Variants in LRBA observed in about 807,000 individuals in gnomAD.
LRBA encodes LPS responsive beige-like anchor protein.
Under a neutral mutation model 330.0 loss-of-function variants are expected in LRBA, and 176 were observed. That is an observed-to-expected ratio of 0.53 (90% CI 0.47 to 0.60). LRBA has a LOEUF of 0.60. Among genes scored for constraint, LRBA ranks in the 20% least tolerant of loss-of-function variants. The pLI, the probability that LRBA is intolerant of heterozygous loss-of-function variation, is 0.00. For synonymous variants in LRBA, 1,230 were observed against 1,193.0 expected (o/e 1.03, Z -0.64); for missense variants, 3,259 against 3,444.8 (o/e 0.95, Z 1.35).
chr4:150,838,360 C>T (rs546353756), intron 28 of LRBA, among the ~76,000 whole-genome samples: 23 of 152,296 alleles, frequency 1.5e-4, no homozygotes, highest in Admixed American at 3.3e-4. Context: ...TGGGCAAGTC[C>T]TCCTGGATAA....
intron 28 of LRBA, among the ~76,000 whole-genome samples, chr4:150,832,955 T>C (rs1747419536): frequency 6.6e-6 from 1 of 152,048 alleles, no homozygotes; most frequent in Non-Finnish European, 1.5e-5. Flanking sequence ...TTTTAATTTC[T>C]TGAAGAGACA....
At chr4:150,443,685 C>G (rs555066970) in intron 44 of LRBA, among the ~76,000 whole-genome samples, 1 of 151,514 alleles carries the variant, frequency 6.6e-6, no homozygotes, top group Non-Finnish European at 1.5e-5. Flanking sequence ...CATCACACAC[C>G]GGCACCTGTT....
chr4:150,491,789 G>A (rs1177958323), intron 40 of LRBA, among the ~76,000 whole-genome samples: 1 of 152,048 alleles, frequency 6.6e-6, no homozygotes, highest in African/African-American at 2.4e-5. Flanking sequence ...TTTGATTCAA[G>A]TTTTGTTTTT....
chr4:150,592,294 CAT>C (rs1010844937), intron 38 of LRBA, among the ~76,000 whole-genome samples: 3 of 151,572 alleles, frequency 2.0e-5, no homozygotes, highest in Admixed American at 6.6e-5. Context: ...TTAACCTGCA[CAT>C]GTGTTACCTG....
chr4:150,741,944 T>C (rs1732038394), intron 35 of LRBA, among the ~76,000 whole-genome samples: 1 of 151,980 alleles, frequency 6.6e-6, no homozygotes, highest in Non-Finnish European at 1.5e-5. Flanking sequence ...TAAAATGTCT[T>C]AGATGTATAA....
chr4:150,674,313 C>T (rs1297598396), intron 37 of LRBA, among the ~76,000 whole-genome samples: 1 of 150,966 alleles, frequency 6.6e-6, no homozygotes, highest in Non-Finnish European at 1.5e-5. Context: ...ATGATCCTGA[C>T]CCAAGTATTT....
At chr4:150,603,607 C>A (rs753036445) in intron 37 of LRBA, among the ~76,000 whole-genome samples, 1 of 152,106 alleles carries the variant, frequency 6.6e-6, no homozygotes, top group Non-Finnish European at 1.5e-5. Flanking sequence ...GATTCTCCTG[C>A]CTCATCCTCC....
At chr4:150,381,991 G>A (rs1742337299) in intron 47 of LRBA, among the ~76,000 whole-genome samples, 1 of 152,142 alleles carries the variant, frequency 6.6e-6, no homozygotes, top group Non-Finnish European at 1.5e-5. Context: ...CCTTTGCCCA[G>A]TTTTTCATTA....
chr4:150,927,536 C>T (rs962854260), intron 4 of LRBA, among the ~76,000 whole-genome samples: 1 of 151,886 alleles, frequency 6.6e-6, no homozygotes, highest in Non-Finnish European at 1.5e-5. Context: ...GTTAACAGAT[C>T]CCAGTAACCT....
chr4:150,923,543 CATATAA>C (rs1261668140), intron 4 of LRBA, among the ~76,000 whole-genome samples: 2 of 152,118 alleles, frequency 1.3e-5, no homozygotes, highest in African/African-American at 2.4e-5. Flanking sequence ...TACCGCATAG[CATATAA>C]ATATATGTAT....
intron 40 of LRBA, among the ~76,000 whole-genome samples, chr4:150,551,958 G>A (rs867607852): frequency 6.6e-6 from 1 of 152,014 alleles, no homozygotes; most frequent in Non-Finnish European, 1.5e-5. Context: ...AAAGTGGGGT[G>A]GGGGGTAGGA....
intron 46 of LRBA, among the ~76,000 whole-genome samples, chr4:150,418,511 C>T (rs1028910706): frequency 1.3e-5 from 2 of 152,022 alleles, no homozygotes; most frequent in African/African-American, 4.8e-5. Flanking sequence ...AGGTAATAAC[C>T]ATCAGTTTCC....
chr4:150,473,827 A>G (rs540116423), intron 42 of LRBA, among the ~76,000 whole-genome samples: 2 of 152,280 alleles, frequency 1.3e-5, no homozygotes, highest in Admixed American at 1.3e-4. Context: ...TTACATATCT[A>G]TACATATCCT....
intron 8 of LRBA, among the ~76,000 whole-genome samples, chr4:150,915,319 A>G (rs544779741): frequency 6.6e-6 from 1 of 152,228 alleles, no homozygotes; most frequent in Non-Finnish European, 1.5e-5. Context: ...TCAGAACCCT[A>G]TAGTGGAGCT....
At chr4:150,853,914 G>C (rs1750923100) in intron 22 of LRBA, among the ~76,000 whole-genome samples, 1 of 152,038 alleles carries the variant, frequency 6.6e-6, no homozygotes. Context: ...TTATTATATA[G>C]AGTAAACTGA....
At chr4:150,616,462 A>G (rs1041267361) in intron 37 of LRBA, among the ~76,000 whole-genome samples, 1 of 152,186 alleles carries the variant, frequency 6.6e-6, no homozygotes, top group East Asian at 1.9e-4. Flanking sequence ...CAGAAACCAA[A>G]TGAAAAAAAT....
chr4:150,302,708 T>A lies in LRBA; in HGVS notation c.7934A>T (p.Tyr2645Phe), dbSNP rs775871299. The change falls in exon 53 of 57, where the codon TAC (tyrosine) becomes TTC (phenylalanine). Residue 2645 changes from tyrosine to phenylalanine, a missense_variant. Transcript: ENST00000651943. Reference sequence around the variant, plus strand: ...TGCATCACGTGACCCTGAGAGAATGTAGCAATTTCCCCCAATATATGACTC... The same window carrying A: ...TGCATCACGTGACCCTGAGAGAATGAAGCAATTTCCCCCAATATATGACTC... ...RSESYIGGNC[Y>F]ILSGSRDATL... is the part of the protein sequence containing the mutation. 139 of 1,613,070 alleles carry A rather than the reference T, an allele frequency of 8.6e-5. No homozygotes were observed. The highest frequency in any genetic ancestry group is 1.1e-4 in the Non-Finnish European group (133 of 1,179,412).
chr4:150,759,930 A>G (rs551757812), intron 35 of LRBA, among the ~76,000 whole-genome samples: 1 of 152,314 alleles, frequency 6.6e-6, no homozygotes, highest in Admixed American at 6.5e-5. Context: ...CTCATCTATT[A>G]AATGTAACAA....
chr4:150,867,984 G>T, intron 21 of LRBA, 121 bp from the exon 22 acceptor site: 1 of 937,478 alleles, frequency 1.1e-6, no homozygotes, highest in Non-Finnish European at 1.6e-6. Context: ...AACACATTTA[G>T]TTATACATTA....
Sources: allele counts gnomAD v4.1 joint callset (sites outside exome capture counted in the v4.1 genomes callset), GRCh38; gene constraint gnomAD v4.1.1; transcripts MANE v1.5; gene names NCBI Gene and HGNC (gene_info 2026-07-23, HGNC 2026-07-21).